Variants in LGR5 observed in about 807,000 individuals in gnomAD.
LGR5 encodes the protein leucine rich repeat containing G protein-coupled receptor 5.
Under a neutral mutation model 76.7 loss-of-function variants are expected in LGR5, and 54 were observed. That is an observed-to-expected ratio of 0.70 (90% CI 0.57 to 0.88). The LOEUF is 0.88. LGR5 is among the 40% of genes least tolerant of loss of function. The pLI is 0.00. For synonymous variants in LGR5, 406 were observed against 421.9 expected (o/e 0.96, Z 0.46); for missense variants, 1,078 against 1,073.3 (o/e 1.00, Z -0.06).
intron 4 of LGR5, among the ~76,000 whole-genome samples, chr12:71,540,046 G>A (rs1286576282): frequency 1.3e-5 from 2 of 152,072 alleles, no homozygotes; most frequent in African/African-American, 4.8e-5. Flanking sequence ...AAAACTTTTG[G>A]GAGTATAGAC....
At chr12:71,483,382 C>T (rs1031794050) in intron 1 of LGR5, among the ~76,000 whole-genome samples, 3 of 152,126 alleles carry the variant, frequency 2.0e-5, no homozygotes, top group Admixed American at 6.5e-5. Context: ...AATAAGGAGT[C>T]ACTCCAAAGG....
intron 14 of LGR5, 44 bp from the exon 15 acceptor site, chr12:71,578,760 T>C (rs981048754): frequency 1.3e-6 from 2 of 1,553,438 alleles, no homozygotes. Flanking sequence ...AAACGTTTTA[T>C]GCTAACATAG....
intron 1 of LGR5, among the ~76,000 whole-genome samples, chr12:71,446,958 T>C (rs1278174177): frequency 1.3e-5 from 2 of 152,230 alleles, no homozygotes; most frequent in Non-Finnish European, 2.9e-5. Context: ...ATCAATAGAT[T>C]AGTAACCACC....
rs948209667 is a variant in LGR5 at position 71,552,974 on chromosome 12, C to T, written c.429-99C>T. The T allele has an allele frequency of 1.4e-5, 15 of 1,051,700 alleles. No homozygotes were observed. The East Asian group carries it at 3.2e-4, about 23-fold the overall frequency. The allele number at this position is 1,051,700 out of a possible 1,614,324, so 65.1% of individuals were successfully genotyped here. A position where few individuals can be genotyped will look rare whatever the true frequency, so the allele number is the denominator to read the frequency against. ...GCTCTCGGGGACCCCAGGCCCTGTT[C>T]CACTCTTGTTCATCATGCATGGGGA... On this transcript the variant is annotated intron_variant, in intron 4 of 17. Transcript: ENST00000266674.
At chr12:71,448,189 G>A (rs1204513379) in intron 1 of LGR5, among the ~76,000 whole-genome samples, 1 of 151,812 alleles carries the variant, frequency 6.6e-6, no homozygotes, top group East Asian at 1.9e-4. Flanking sequence ...GAATTTTTAA[G>A]TTTCACTGAA....
chr12:71,561,097 A>G (rs1878035097), intron 7 of LGR5, among the ~76,000 whole-genome samples: 1 of 152,224 alleles, frequency 6.6e-6, no homozygotes, highest in African/African-American at 2.4e-5. Context: ...CAGCTAAAGG[A>G]GACACAGAGG....
intron 16 of LGR5, among the ~76,000 whole-genome samples, chr12:71,581,808 T>G (rs1384340066): frequency 1.6e-4 from 25 of 152,208 alleles, no homozygotes. Flanking sequence ...GAGTTTATTT[T>G]CAAAGGCAGT....
At chr12:71,448,984 G>GT (rs1232245306) in intron 1 of LGR5, 2 of 152,366 alleles carry the variant, frequency 1.3e-5, no homozygotes, top group Non-Finnish European at 2.9e-5. Flanking sequence ...GGCAAGAGAG[G>GT]TGGAAGGGCT....
intron 16 of LGR5, 137 bp downstream of exon 16, chr12:71,580,560 C>A: frequency 1.2e-6 from 1 of 833,822 alleles, no homozygotes; most frequent in Non-Finnish European, 1.9e-6. Flanking sequence ...GTTTGGGAGG[C>A]CGAGGCAGAT....
intron 11 of LGR5, among the ~76,000 whole-genome samples, chr12:71,567,769 G>A (rs762076321): frequency 1.6e-4 from 24 of 152,046 alleles, no homozygotes; most frequent in Admixed American, 7.9e-4. Flanking sequence ...ATGATATGTG[G>A]GTGCAGTGAC....
chr12:71,581,326 T>C (rs1013852298), intron 16 of LGR5, among the ~76,000 whole-genome samples: 9 of 152,222 alleles, frequency 5.9e-5, no homozygotes, highest in Non-Finnish European at 8.8e-5. Context: ...ATTAAGACGT[T>C]ACCTAAACAG....
chr12:71,461,723 A>T (rs1872691548), intron 1 of LGR5, among the ~76,000 whole-genome samples: 2 of 152,094 alleles, frequency 1.3e-5, no homozygotes, highest in Admixed American at 1.3e-4. Context: ...TCACTCTTTC[A>T]TCCCTTTTGA....
chr12:71,504,634 T>A lies in LGR5; in HGVS notation c.233T>A (p.Ile78Asn). 6.2e-7 allele frequency: 1 copy of A among 1,614,064 alleles called. No individual in the cohort carries two copies. Among genetic ancestry groups the A allele is most frequent in the Non-Finnish European group, 8.5e-7 (1 of 1,179,978 alleles). Reference protein sequence around the residue: ...TSYLDLSMNNISQLLPNPLPS... With the variant: ...TSYLDLSMNNNSQLLPNPLPS... Reference sequence around the variant, plus strand: ...CCCAGAGACCTCAGTATGAACAACATCAGTCAGCTGCTCCCGAATCCCCTG... The same window carrying A: ...CCCAGAGACCTCAGTATGAACAACAACAGTCAGCTGCTCCCGAATCCCCTG... Residue 78 changes from isoleucine to asparagine, a missense_variant, in exon 2 of 18, where the codon ATC (isoleucine) becomes AAC (asparagine). By Grantham distance (149) the Ile-to-Asn change is moderately radical (BLOSUM62 -3). Coordinates refer to ENST00000266674, the MANE Select transcript of LGR5 (RefSeq NM_003667.4).
intron 11 of LGR5, chr12:71,567,287 A>G (rs1017574886): frequency 2.5e-5 from 5 of 201,250 alleles, no homozygotes; most frequent in African/African-American, 1.2e-4. Flanking sequence ...AAAAACTGAG[A>G]TCTCAGATCC....
chr12:71,537,185 A>G (rs1876635974), intron 4 of LGR5, among the ~76,000 whole-genome samples: 1 of 99,618 alleles, frequency 1.0e-5, no homozygotes, highest in South Asian at 3.3e-4. Context: ...AGAGTTGTCA[A>G]AAAAAAAAAA....
chr12:71,505,932 A>G (rs1459434552), intron 2 of LGR5, among the ~76,000 whole-genome samples: 1 of 152,000 alleles, frequency 6.6e-6, no homozygotes, highest in Non-Finnish European at 1.5e-5. Context: ...TTCCATTGCT[A>G]AGATTTAACC....
At chr12:71,496,391 A>AAAAAAGAG (rs1555169618) in intron 1 of LGR5, among the ~76,000 whole-genome samples, 4 of 115,070 alleles carry the variant, frequency 3.5e-5, no homozygotes, top group Non-Finnish European at 5.2e-5. Flanking sequence ...AAAAAAAAAA[A>AAAAAAGAG]AGAGAGAGAG....
chr12:71,556,620 C>A lies in LGR5; in HGVS notation c.646C>A (p.His216Asn). Residue 216 changes from histidine (H) to asparagine (N), a missense_variant and splice_region_variant, in exon 6 of 18, where the codon CAT becomes AAT. His to Asn is a moderately conservative substitution (Grantham distance 68, BLOSUM62 1). Coordinates refer to ENST00000266674, the MANE Select transcript of LGR5 (RefSeq NM_003667.4). The part of the protein sequence containing the change: ...FGNLSSLVVL[H>N]LHNNRIHSLG... Reference sequence around the variant, plus strand: ...ACTATCTGTAATGTTCTACTGCAGACATCTCCATAACAATAGAATCCACTC... The same window carrying A: ...ACTATCTGTAATGTTCTACTGCAGAAATCTCCATAACAATAGAATCCACTC... The A allele has an allele frequency of 6.2e-7, 1 of 1,602,634 alleles. No individual in the cohort carries two copies. Among genetic ancestry groups the A allele is most frequent in the Non-Finnish European group, 8.6e-7 (1 of 1,169,574 alleles).
intron 8 of LGR5, among the ~76,000 whole-genome samples, chr12:71,562,566 T>C (rs1249720289): frequency 6.6e-6 from 1 of 152,174 alleles, no homozygotes; most frequent in Non-Finnish European, 1.5e-5. Flanking sequence ...CAGAGCCCTG[T>C]CTCCAACAAA....
Sources: allele counts gnomAD v4.1 joint callset (sites outside exome capture counted in the v4.1 genomes callset), GRCh38; gene constraint gnomAD v4.1.1; transcripts MANE v1.5; gene names NCBI Gene and HGNC (gene_info 2026-07-23, HGNC 2026-07-21).